NFX1: variants seen among roughly 807,000 people sequenced by gnomAD.
The protein encoded by NFX1 is nuclear transcription factor, X-box binding 1.
A neutral mutation model predicts 137.2 loss-of-function variants in NFX1; 69 were observed. The observed-to-expected ratio is 0.50, with a 90% confidence interval of 0.41 to 0.61. The LOEUF is 0.61. Ranked by LOEUF, NFX1 falls within the 20% of genes least tolerant of loss-of-function variation. NFX1 has a pLI of 0.00. For missense variants in NFX1, 1,167 were observed against 1,391.0 expected, an observed-to-expected ratio of 0.84 and a Z score of 2.56; for synonymous variants, 495 against 474.1, an observed-to-expected ratio of 1.04 and a Z score of -0.57.
chr9:33,333,557 G>C (rs1428260512), intron 11 of NFX1, among the ~76,000 whole-genome samples: 1 of 152,156 alleles, frequency 6.6e-6, no homozygotes, highest in Non-Finnish European at 1.5e-5. Context: ...TCCTATGTAA[G>C]AGCAAGGAAA....
At chr9:33,340,290 A>C (rs1041058634) in intron 12 of NFX1, among the ~76,000 whole-genome samples, 1 of 152,254 alleles carries the variant, frequency 6.6e-6, no homozygotes, top group Non-Finnish European at 1.5e-5. Flanking sequence ...GCTCAGCACC[A>C]CATGGAAGCT....
chr9:33,335,571 G>A (rs939311526), intron 11 of NFX1, among the ~76,000 whole-genome samples: 2 of 151,978 alleles, frequency 1.3e-5, no homozygotes, highest in Non-Finnish European at 2.9e-5. Flanking sequence ...TTGAGACAGG[G>A]TCTCACTTTG....
chr9:33,307,391 T>C, intron 5 of NFX1, 92 bp downstream of exon 5: 1 of 1,094,186 alleles, frequency 9.1e-7, no homozygotes, highest in Non-Finnish European at 1.4e-6. Flanking sequence ...TGTAATGGTT[T>C]GGGATGAAGG....
intron 22 of NFX1, among the ~76,000 whole-genome samples, chr9:33,367,243 G>A (rs1456254647): frequency 1.3e-5 from 2 of 152,196 alleles, no homozygotes; most frequent in African/African-American, 2.4e-5. Context: ...AGGGGACAGG[G>A]AGGACCTAGG....
chr9:33,305,921 CCCTAGCGGAT>C (rs1333392189), intron 4 of NFX1, among the ~76,000 whole-genome samples: 2 of 152,168 alleles, frequency 1.3e-5, no homozygotes, highest in East Asian at 3.9e-4. Flanking sequence ...GTAGTTAAGA[CCCTAGCGGAT>C]GAAAGGGTAC....
chr9:33,339,573 A>G (rs914862687), intron 12 of NFX1, among the ~76,000 whole-genome samples: 1 of 152,078 alleles, frequency 6.6e-6, no homozygotes, highest in Non-Finnish European at 1.5e-5. Context: ...ACATTTCAAA[A>G]CCAATCATGC....
chr9:33,355,016 A>G, intron 19 of NFX1, 124 bp downstream of exon 19: 4 of 871,462 alleles, frequency 4.6e-6, no homozygotes, highest in Non-Finnish European at 5.3e-6. Flanking sequence ...GTTATCAAAG[A>G]GCAAGAGAAA....
chr9:33,326,952 T>C (rs1053631934), intron 9 of NFX1, among the ~76,000 whole-genome samples: 10 of 152,256 alleles, frequency 6.6e-5, no homozygotes, highest in African/African-American at 2.2e-4. Context: ...AAGATGTATA[T>C]GGTAAGCCCT....
rs1288543199 is a variant in NFX1 at position 33,349,666 on chromosome 9, A to AT, written c.2425-1889dup. ...TGGTGAGGAAGCGTGGAAACAGGCC[A>AT]TTTTTCAAGAAAAAAAAAAAGAATT... On this transcript the variant is annotated intron_variant, in intron 15 of 23. Transcript: ENST00000379540. Among the ~76,000 whole-genome samples the AT allele has an allele frequency of 2.0e-5, 3 of 151,388 alleles. No homozygotes were observed. In the East Asian group the frequency reaches 5.8e-4, roughly 29 times the overall value.
chr9:33,348,797 A>G, intron 15 of NFX1: 1 of 984,824 alleles, frequency 1.0e-6, no homozygotes, highest in Non-Finnish European at 1.2e-6. Flanking sequence ...CCATTCTGGC[A>G]TATAAACCAC....
At chr9:33,341,450 A>G (rs1823216927) in intron 12 of NFX1, among the ~76,000 whole-genome samples, 1 of 152,216 alleles carries the variant, frequency 6.6e-6, no homozygotes, top group South Asian at 2.1e-4. Context: ...GACACAGCCA[A>G]ACTGTATCAG....
intron 23 of NFX1, among the ~76,000 whole-genome samples, chr9:33,368,793 C>T (rs1211676164): frequency 6.6e-6 from 1 of 152,194 alleles, no homozygotes; most frequent in Non-Finnish European, 1.5e-5. Flanking sequence ...GGTCACAGCA[C>T]TTAGTGTTCC....
intron 19 of NFX1, among the ~76,000 whole-genome samples, chr9:33,357,139 A>G (rs1333124126): frequency 1.3e-5 from 2 of 151,856 alleles, no homozygotes; most frequent in African/African-American, 4.8e-5. Flanking sequence ...CATCTCTACT[A>G]AAAATACAAA....
rs201668706 is a variant in NFX1, at chr9:33,326,866, GAGA to G, written c.1907-1710_1907-1708del. Among the ~76,000 whole-genome samples the G allele has an allele frequency of 7.8e-3, 1,191 of 152,282 alleles. 14 individuals are homozygous for G. The highest frequency in any genetic ancestry group is 0.027 in the African/African-American group (1,104 of 41,542). On this transcript the variant is annotated intron_variant, in intron 9 of 23. Transcript: ENST00000379540. ...GTATAACAATAACTGCACAAAAGGG[GAGA>G]AGAATAGAGCTGTGTAAGGGTAAAC...
intron 20 of NFX1, among the ~76,000 whole-genome samples, chr9:33,364,359 C>T (rs1011878688): frequency 1.3e-5 from 2 of 152,164 alleles, no homozygotes; most frequent in African/African-American, 2.4e-5. Flanking sequence ...GAGTTTGGGC[C>T]TCCCAAGGGC....
Position 33,369,929 on chromosome 9 carries a change from A to C in NFX1, c.3314A>C (p.Gln1105Pro), listed in dbSNP as rs1358739080. The C allele has an allele frequency of 6.2e-7, 1 of 1,613,608 alleles. No individual in the cohort carries two copies. The highest frequency in any genetic ancestry group is 8.5e-7 in the Non-Finnish European group (1 of 1,179,656). ...AGGAATCCTGGGAGCAGTAATTTACAGAAAATAACCAAGGAGCCAATAATT... is the reference window on the plus strand; with the variant it reads ...AGGAATCCTGGGAGCAGTAATTTACCGAAAATAACCAAGGAGCCAATAATT... ...SDKNPGSSNL[Q>P]KITKEPIIDY... The change falls in exon 24 of 24, where the codon CAG becomes CCG. Residue 1105 changes from glutamine to proline, a missense_variant. By Grantham distance (76) the Gln-to-Pro change is moderately conservative. Around this residue, in one of 3 missense-constraint regions of NFX1, gnomAD observed 312 missense variants for 312.8 expected, o/e 1.00. Transcript: ENST00000379540.
At chr9:33,292,761 G>A (rs1821209095) in intron 1 of NFX1, among the ~76,000 whole-genome samples, 1 of 152,060 alleles carries the variant, frequency 6.6e-6, no homozygotes, top group Non-Finnish European at 1.5e-5. Flanking sequence ...ACTGCTTAAC[G>A]AGAAACACTC....
rs375319253 is a variant in NFX1, at chr9:33,301,426, A to G, written c.1192+5A>G. 2.7e-5 allele frequency: 43 copies of G among 1,613,264 alleles called. No individual in the cohort carries two copies. In the Middle Eastern group the frequency reaches 6.6e-4, roughly 25 times the overall value. On this transcript the variant is annotated splice_donor_5th_base_variant and intron_variant, in intron 3 of 23. Coordinates refer to ENST00000379540, the MANE Select transcript of NFX1 (RefSeq NM_002504.6). ...GGTCTCCAGCATCTCAAGCAGGTCA[A>G]TTAATTCTCTCTTCTGAGTAGTTAT... is the stretch of plus-strand genomic sequence containing the variant.
At chr9:33,332,406 T>C (rs536766440) in intron 10 of NFX1, 66 bp from the exon 11 acceptor site, 22 of 1,425,688 alleles carry the variant, frequency 1.5e-5, no homozygotes, top group South Asian at 1.2e-4. Context: ...CCTATGGCAT[T>C]ATATTATAGT....
Sources: gnomAD v4.1 joint callset for allele counts (sites outside exome capture counted in the v4.1 genomes callset) on GRCh38, gnomAD v4.1.1 for gene constraint, gnomAD v4.1.1 regional missense constraint, MANE v1.5 for transcripts, NCBI Gene and HGNC (gene_info 2026-07-23, HGNC 2026-07-21) for gene names.